The following ADAMTS14 variants were observed in gnomAD, a reference collection of about 807,000 sequenced individuals.
ADAMTS14 encodes A disintegrin and metalloproteinase with thrombospondin motifs 14.
Under a neutral mutation model 128.6 loss-of-function variants are expected in ADAMTS14, and 100 were observed. That is an observed-to-expected ratio of 0.78 (90% CI 0.66 to 0.92). The LOEUF is 0.92. Among genes scored for constraint, ADAMTS14 ranks in the 40% least tolerant of loss-of-function variants. The pLI is 0.00. For missense variants in ADAMTS14, 1,562 were observed against 1,658.6 expected (o/e 0.94, Z 1.01); for synonymous variants, 665 against 653.8 (o/e 1.02, Z -0.26).
At chr10:70,676,588 A>C (rs1195542264) in intron 2 of ADAMTS14, among the ~76,000 whole-genome samples, 1 of 152,132 alleles carries the variant, frequency 6.6e-6, no homozygotes, top group Non-Finnish European at 1.5e-5. Flanking sequence ...CTGCAGGTGA[A>C]CTGATTCAAG....
intron 4 of ADAMTS14, among the ~76,000 whole-genome samples, chr10:70,714,370 T>C (rs1241684424): frequency 6.6e-6 from 1 of 152,188 alleles, no homozygotes; most frequent in African/African-American, 2.4e-5. Flanking sequence ...AGACAGGCTG[T>C]AACTTGCTAG....
intron 14 of ADAMTS14, among the ~76,000 whole-genome samples, chr10:70,744,837 T>C (rs1384032209): frequency 6.6e-6 from 1 of 151,862 alleles, no homozygotes; most frequent in East Asian, 1.9e-4. Flanking sequence ...TCATGTGGAG[T>C]CTTCATGGCC....
Position 70,741,010 on chromosome 10 carries a change from G to A in ADAMTS14, c.1772G>A (p.Cys591Tyr). 6.2e-7 allele frequency: 1 copy of A among 1,614,116 alleles called. No homozygotes were observed. The highest frequency in any genetic ancestry group is 2.2e-5 in the East Asian group (1 of 44,884). The change falls in exon 12 of 22, where the codon TGC becomes TAC. Residue 591 changes from cysteine (C) to tyrosine (Y), a missense_variant. Transcript: ENST00000373207. ...NPSPAYGGRL[C>Y]LGPMFEYQVC... Reference sequence around the variant, plus strand: ...AGCCCAGCCTATGGAGGCCGCCTGTGCTTAGGGCCCATGTTCGAGTACCAG... The same window carrying A: ...AGCCCAGCCTATGGAGGCCGCCTGTACTTAGGGCCCATGTTCGAGTACCAG...
At chr10:70,699,078 C>G (rs60125152) in intron 2 of ADAMTS14, among the ~76,000 whole-genome samples, 9,875 of 152,168 alleles carry the variant, frequency 0.065, 655 homozygotes, top group African/African-American at 0.17. Context: ...CAAGGTCAGA[C>G]CAGAGGCCCA....
At chr10:70,693,855 G>T (rs1840258163) in intron 2 of ADAMTS14, among the ~76,000 whole-genome samples, 1 of 152,228 alleles carries the variant, frequency 6.6e-6, no homozygotes, top group Admixed American at 6.5e-5. Context: ...GAGGCTCTCT[G>T]CTTCCTGGTG....
In ADAMTS14 at chr10:70,757,972, C is replaced by G; in HGVS notation, c.2948C>G (p.Thr983Ser). ...RLGAWSQCSA[T>S]CGEGIQQRQV... ...ACCCACCCACGGCAGTGCTCTGCCA[C>G]CTGTGGAGAGGGCATCCAGCAGCGG... The change falls in exon 20 of 22, where the codon ACC becomes AGC. Residue 983 changes from threonine to serine, a missense_variant. Thr to Ser is a moderately conservative substitution (Grantham distance 58). Transcript: ENST00000373207. The G allele has an allele frequency of 6.2e-7, 1 of 1,611,074 alleles. No homozygotes were observed. Among genetic ancestry groups the G allele is most frequent in the Non-Finnish European group, 8.5e-7 (1 of 1,178,876 alleles).
rs1230989266 is a variant in ADAMTS14 at position 70,760,841 on chromosome 10, C to T, written c.3660C>T (p.Ser1220=). The change falls in exon 22 of 22, where the codon TCC becomes TCT. Residue 1220 remains serine, a synonymous_variant. Transcript: ENST00000373207. ...CCGGCACCAGCCTCCCTGCTGCCTC[C>T]CCGGTGACATGAGCTGTGCCCTGCC... ...RHPGTSLPAA[S]PVT 4.4e-6 allele frequency: 7 copies of T among 1,574,120 alleles called. No individual in the cohort carries two copies. Among genetic ancestry groups the T allele is most frequent in the Non-Finnish European group, 5.2e-6 (6 of 1,157,898 alleles).
chr10:70,721,780 A>G (rs72814572), intron 4 of ADAMTS14, among the ~76,000 whole-genome samples: 14,926 of 152,312 alleles, frequency 0.098, 893 homozygotes, highest in East Asian at 0.2. Flanking sequence ...GTGCCCTTGC[A>G]TGTCACATTT....
intron 2 of ADAMTS14, among the ~76,000 whole-genome samples, chr10:70,683,499 CAG>C (rs1201408219): frequency 6.6e-6 from 1 of 152,182 alleles, no homozygotes; most frequent in Non-Finnish European, 1.5e-5. Context: ...CTGGAGGACA[CAG>C]AGGGGCTGTG....
At chr10:70,754,933 T>C (rs942095886) in intron 19 of ADAMTS14, among the ~76,000 whole-genome samples, 2 of 152,154 alleles carry the variant, frequency 1.3e-5, no homozygotes, top group African/African-American at 2.4e-5. Flanking sequence ...GAAATTGTCT[T>C]GGGTTTTCTT....
At chr10:70,727,734 C>A (rs576760642) in intron 4 of ADAMTS14, among the ~76,000 whole-genome samples, 129 of 152,340 alleles carry the variant, frequency 8.5e-4, no homozygotes, top group Non-Finnish European at 1.7e-3. Flanking sequence ...GGCATCACAT[C>A]CCTGATGGCG....
chr10:70,742,811 T>C (rs1842043730), intron 12 of ADAMTS14, among the ~76,000 whole-genome samples: 1 of 152,230 alleles, frequency 6.6e-6, no homozygotes, highest in Non-Finnish European at 1.5e-5. Flanking sequence ...TTTTAGGATA[T>C]CTATAGCCCA....
chr10:70,735,022 G>A (rs12765664), intron 8 of ADAMTS14, 147 bp from the exon 9 acceptor site: 868,837 of 1,013,042 alleles, frequency 0.86, 373,622 homozygotes, highest in East Asian at 0.92. Flanking sequence ...AAGGCAGCCC[G>A]TCCTCCCTGG....
intron 21 of ADAMTS14, among the ~76,000 whole-genome samples, chr10:70,759,911 G>T (rs1173483610): frequency 6.6e-6 from 1 of 152,200 alleles, no homozygotes; most frequent in African/African-American, 2.4e-5. Context: ...AAGGAGACAG[G>T]CACCCCCAAG....
intron 11 of ADAMTS14, among the ~76,000 whole-genome samples, chr10:70,739,355 A>G (rs1278515008): frequency 6.6e-6 from 1 of 151,938 alleles, no homozygotes; most frequent in Non-Finnish European, 1.5e-5. Context: ...TGGAAGAATC[A>G]ATTTCCTAAC....
At chr10:70,732,933 C>G (rs1041884332) in intron 7 of ADAMTS14, among the ~76,000 whole-genome samples, 3 of 152,182 alleles carry the variant, frequency 2.0e-5, no homozygotes, top group Admixed American at 6.5e-5. Context: ...CTACCATGCA[C>G]CGGGCCCCAT....
At chr10:70,682,237 A>G (rs1318864716) in intron 2 of ADAMTS14, among the ~76,000 whole-genome samples, 1 of 135,080 alleles carries the variant, frequency 7.4e-6, no homozygotes, top group Non-Finnish European at 1.5e-5. Context: ...CCGGGTAGTC[A>G]TAGGGGGTGG....
At chr10:70,678,835 T>C (rs537346392) in intron 2 of ADAMTS14, among the ~76,000 whole-genome samples, 1 of 152,264 alleles carries the variant, frequency 6.6e-6, no homozygotes, top group South Asian at 2.1e-4. Context: ...CTTTGTGGCA[T>C]GGGGCTGACC....
At chr10:70,757,230 G>A (rs1457146849) in intron 19 of ADAMTS14, among the ~76,000 whole-genome samples, 1 of 152,190 alleles carries the variant, frequency 6.6e-6, no homozygotes, top group African/African-American at 2.4e-5. Context: ...AGGGGACGAT[G>A]TGTGTGGCCA....
Sources: gnomAD v4.1 joint callset for allele counts (sites outside exome capture counted in the v4.1 genomes callset) on GRCh38, gnomAD v4.1.1 for gene constraint, MANE v1.5 for transcripts, NCBI Gene and HGNC (gene_info 2026-07-23, HGNC 2026-07-21) for gene names.